ZC3H3: variants seen among roughly 807,000 people sequenced by gnomAD.
ZC3H3 encodes the protein zinc finger CCCH domain-containing protein 3.
In ZC3H3, 36 loss-of-function variants were observed where a neutral mutation model predicts 77.3. The observed-to-expected ratio is 0.47, with a 90% CI of 0.36 to 0.61. The LOEUF (loss-of-function observed/expected upper bound fraction) is 0.61. ZC3H3 is among the 20% of genes least tolerant of loss of function. ZC3H3 has a pLI of 0.00. For synonymous variants in ZC3H3, 626 were observed against 555.2 expected (o/e 1.13, Z -1.79); for missense variants, 1,331 against 1,312.2 (o/e 1.01, Z -0.22).
chr8:143,492,208 G>T (rs913275208), intron 4 of ZC3H3, among the ~76,000 whole-genome samples: 1 of 152,194 alleles, frequency 6.6e-6, no homozygotes, highest in East Asian at 1.9e-4. Flanking sequence ...CAAAGCCTCG[G>T]GGGGAGGAGT....
chr8:143,475,541 C>G lies in ZC3H3; in HGVS notation c.1760G>C (p.Gly587Ala). Residue 587 changes from glycine (G) to alanine (A), a missense_variant, in exon 5 of 12, where the codon GGG becomes GCG. Physicochemically the swap from Gly to Ala is moderately conservative, Grantham distance 60. Coordinates refer to ENST00000262577, the MANE Select transcript of ZC3H3 (RefSeq NM_015117.3). ...NRLRPVASGG[G>A]KAQPGSPWWR... Reference sequence around the variant, plus strand: ...CCAAGGGGAGCCCGGTTGGGCTTTCCCACCCCCGCTGGCAACTGGACGCAG... The same window carrying G: ...CCAAGGGGAGCCCGGTTGGGCTTTCGCACCCCCGCTGGCAACTGGACGCAG... 1.2e-6 allele frequency: 2 copies of G among 1,610,126 alleles called. No individual in the cohort carries two copies. Among genetic ancestry groups the G allele is most frequent in the South Asian group, 2.2e-5 (2 of 90,514 alleles).
At chr8:143,541,289 G>A (rs530035195) in intron 1 of ZC3H3, 87 bp downstream of exon 1, 1 of 1,586,516 alleles carries the variant, frequency 6.3e-7, no homozygotes, top group African/African-American at 1.4e-5. Context: ...CGGGCGGTGA[G>A]CGACCCCTTC....
chr8:143,482,549 G>C (rs1563852859), intron 4 of ZC3H3, among the ~76,000 whole-genome samples: 1 of 152,216 alleles, frequency 6.6e-6, no homozygotes, highest in Non-Finnish European at 1.5e-5. Context: ...CTGTGGCAGA[G>C]AGGTGGCTGC....
chr8:143,504,313 A>C (rs1821622662), intron 4 of ZC3H3, among the ~76,000 whole-genome samples: 1 of 152,172 alleles, frequency 6.6e-6, no homozygotes, highest in Non-Finnish European at 1.5e-5. Flanking sequence ...ATCACAGCCA[A>C]GGGGAGGGGA....
rs1355435917 is a variant in ZC3H3, at chr8:143,530,528, G to A, written c.1561+5729C>T. Among the ~76,000 whole-genome samples, 1 of 152,012 alleles carries A rather than the reference G, an allele frequency of 6.6e-6. No homozygotes were observed. Among genetic ancestry groups the A allele is most frequent in the Non-Finnish European group, 1.5e-5 (1 of 67,982 alleles). On this transcript the variant is annotated intron_variant, in intron 3 of 11. Coordinates refer to ENST00000262577, the MANE Select transcript of ZC3H3 (RefSeq NM_015117.3). This position sits in a 1 kb window ranked among gnomAD's most constrained non-coding sequence, Gnocchi z 4.3. ...TCCCCAGCCTGGGCACAGGGTGGTG[G>A]GTGGGAGAGCTGGCCCTCACTCCTG...
At chr8:143,495,032 G>C (rs1184003498) in intron 4 of ZC3H3, among the ~76,000 whole-genome samples, 2 of 152,222 alleles carry the variant, frequency 1.3e-5, no homozygotes, top group Non-Finnish European at 2.9e-5. Flanking sequence ...CTGGAAAGCA[G>C]TTTGGTGATG....
intron 4 of ZC3H3, among the ~76,000 whole-genome samples, chr8:143,498,127 G>T (rs1215435917): frequency 1.3e-5 from 2 of 152,232 alleles, no homozygotes; most frequent in African/African-American, 2.4e-5. Context: ...CGGGGCAGGG[G>T]CTGTGTCACG....
At chr8:143,469,338 A>T (rs1473708983) in intron 5 of ZC3H3, among the ~76,000 whole-genome samples, 2 of 152,220 alleles carry the variant, frequency 1.3e-5, no homozygotes, top group Non-Finnish European at 2.9e-5. Context: ...GAGGGCTATA[A>T]AACTAAAGAC....
chr8:143,484,979 A>C (rs1821013077), intron 4 of ZC3H3: 1 of 420,464 alleles, frequency 2.4e-6, no homozygotes, highest in Non-Finnish European at 4.8e-6. Context: ...CACAATAAAA[A>C]CCCACTCACT....
chr8:143,466,440 C>T (rs1434417244), intron 8 of ZC3H3, among the ~76,000 whole-genome samples: 1 of 152,230 alleles, frequency 6.6e-6, no homozygotes, highest in African/African-American at 2.4e-5. Context: ...GGTCCAGCAG[C>T]GTCTTCCTCC....
At position 143,539,174 on chromosome 8, in the gene ZC3H3, G is replaced by A; in HGVS notation, c.193C>T (p.His65Tyr). The A allele has an allele frequency of 6.2e-7, 1 of 1,612,982 alleles. No individual in the cohort carries two copies. The highest frequency in any genetic ancestry group is 8.5e-7 in the Non-Finnish European group (1 of 1,180,016). Reference sequence around the variant, plus strand: ...TTCTTGCGCCACGAAGGCCCATGGTGGGAAGAGTAGCCCCTCCGGCTTGGA... The same window carrying A: ...TTCTTGCGCCACGAAGGCCCATGGTAGGAAGAGTAGCCCCTCCGGCTTGGA... ...PRPSRRGYSS[H>Y]HGPSWRKKYS... The change falls in exon 2 of 12, where the codon CAC becomes TAC. Residue 65 changes from histidine (H) to tyrosine (Y), a missense_variant. Around this residue, in one of 3 missense-constraint regions of ZC3H3, gnomAD observed 978 missense variants for 915.5 expected, o/e 1.07. Transcript: ENST00000262577.
intron 3 of ZC3H3, among the ~76,000 whole-genome samples, chr8:143,517,912 G>A (rs890382980): frequency 1.3e-5 from 2 of 152,232 alleles, no homozygotes; most frequent in African/African-American, 4.8e-5. Context: ...CGGAAGAGCA[G>A]CCCCCAGAGG....
chr8:143,453,516 C>T (rs1337233118), intron 9 of ZC3H3, among the ~76,000 whole-genome samples: 1 of 152,150 alleles, frequency 6.6e-6, no homozygotes, highest in Non-Finnish European at 1.5e-5. Flanking sequence ...AACACAGAAT[C>T]CCATATTCAG....
chr8:143,440,948 C>T lies in ZC3H3; in HGVS notation c.2480G>A (p.Ser827Asn). The change falls in exon 10 of 12, where the codon AGC becomes AAC. Residue 827 changes from serine (S) to asparagine (N), a missense_variant. Around this residue, in one of 3 missense-constraint regions of ZC3H3, gnomAD observed 249 missense variants for 236.9 expected, o/e 1.05. Coordinates refer to ENST00000262577, the MANE Select transcript of ZC3H3 (RefSeq NM_015117.3). The stretch of plus-strand genomic sequence containing the variant: ...ACTGCCCCATCACCTGGGCCCGTGG[C>T]TGGCCGAGACCCTGCTCCTGGCGGT... ...DATARSRVSASHGPRKPSASQ... is the reference protein window; with the variant it reads ...DATARSRVSANHGPRKPSASQ... 1 of 1,430,292 alleles carries T rather than the reference C, an allele frequency of 7.0e-7. No individual in the cohort carries two copies. Among genetic ancestry groups the T allele is most frequent in the South Asian group, 1.6e-5 (1 of 62,864 alleles). The allele number at this position is 1,430,292 out of a possible 1,614,324, so 88.6% of individuals were successfully genotyped here. A position where few individuals can be genotyped will look rare whatever the true frequency, so the allele number is the denominator to read the frequency against.
intron 9 of ZC3H3, among the ~76,000 whole-genome samples, chr8:143,442,872 G>A (rs1819782191): frequency 6.6e-6 from 1 of 152,102 alleles, no homozygotes; most frequent in Non-Finnish European, 1.5e-5. Flanking sequence ...CCTTTTAAAG[G>A]TGGCTACTAG....
intron 3 of ZC3H3, among the ~76,000 whole-genome samples, chr8:143,509,509 G>A (rs376036335): frequency 1.3e-5 from 2 of 152,180 alleles, no homozygotes; most frequent in African/African-American, 2.4e-5. Flanking sequence ...CCTCAGGGCT[G>A]CCACCAGCCC....
chr8:143,458,186 T>C (rs982690694), intron 9 of ZC3H3, among the ~76,000 whole-genome samples: 1 of 152,232 alleles, frequency 6.6e-6, no homozygotes, highest in Non-Finnish European at 1.5e-5. Flanking sequence ...AGGACAATTA[T>C]TAAATACTTC....
At chr8:143,489,284 TG>T (rs1821132091) in intron 4 of ZC3H3, among the ~76,000 whole-genome samples, 2 of 135,080 alleles carry the variant, frequency 1.5e-5, no homozygotes, top group African/African-American at 2.8e-5. Context: ...TAGTACCCAC[TG>T]GGCAGGGGAC....
chr8:143,512,860 G>A (rs1821914012), intron 3 of ZC3H3, among the ~76,000 whole-genome samples: 2 of 152,254 alleles, frequency 1.3e-5, no homozygotes, highest in Admixed American at 6.5e-5. Context: ...ACAACTGAGA[G>A]TGCTCAGTGG....
Sources: allele counts gnomAD v4.1 joint callset (sites outside exome capture counted in the v4.1 genomes callset), GRCh38; gene constraint gnomAD v4.1.1; regional missense constraint gnomAD v4.1.1; non-coding constraint Gnocchi (gnomAD v3.1); transcripts MANE v1.5; gene names NCBI Gene and HGNC (gene_info 2026-07-23, HGNC 2026-07-21).